The following DPP10 variants were observed in gnomAD, a reference collection of about 807,000 sequenced individuals.
DPP10 encodes inactive dipeptidyl peptidase 10.
In DPP10, 33 loss-of-function variants were observed where a neutral mutation model predicts 120.9. That is an observed-to-expected ratio of 0.27 (90% CI 0.21 to 0.37). The LOEUF (loss-of-function observed/expected upper bound fraction) is 0.37. DPP10 is among the 10% of genes least tolerant of loss of function. DPP10 has a pLI of 1.00. For missense variants in DPP10, 816 were observed against 942.8 expected (o/e 0.87, Z 1.76); for synonymous variants, 337 against 326.1 (o/e 1.03, Z -0.36).
chr2:115,357,912 C>T (rs569373877), intron 3 of DPP10, among the ~76,000 whole-genome samples: 1 of 152,124 alleles, frequency 6.6e-6, no homozygotes, highest in South Asian at 2.1e-4. Flanking sequence ...TGAGCTGTAC[C>T]TTGGCCCCTT....
intron 1 of DPP10, among the ~76,000 whole-genome samples, chr2:114,687,462 G>T (rs1243860111): frequency 6.6e-6 from 1 of 151,208 alleles, no homozygotes; most frequent in Admixed American, 6.6e-5. Flanking sequence ...GGGTAGATCT[G>T]GTTTGTTTAA....
In DPP10 at chr2:115,331,575, T is replaced by C. The variant is rs1160523926; in HGVS notation, c.176-12242T>C. Among the ~76,000 whole-genome samples the C allele has an allele frequency of 2.0e-5, 3 of 152,332 alleles. 1 individual carries two copies. Among genetic ancestry groups the C allele is most frequent in the African/African-American group, 7.2e-5 (3 of 41,584 alleles). On this transcript the variant is annotated intron_variant, in intron 2 of 25. Transcript: ENST00000410059. ...GCTGTGGGTTTGTCATAGATAGCTC[T>C]TATTATTTTGAGATATGTCCCATCA...
At chr2:115,253,729 G>A (rs1035848972) in intron 1 of DPP10, among the ~76,000 whole-genome samples, 7 of 152,196 alleles carry the variant, frequency 4.6e-5, no homozygotes, top group Non-Finnish European at 8.8e-5. Context: ...GCTCCCAAGG[G>A]CTTGGACAGC....
At chr2:115,804,326 T>A (rs143922427) in intron 19 of DPP10, among the ~76,000 whole-genome samples, 2,774 of 152,228 alleles carry the variant, frequency 0.018, 85 homozygotes, top group African/African-American at 0.061. Flanking sequence ...CTAGTTATCC[T>A]TTCATCTAAT....
At chr2:114,478,717 T>C (rs1261511418) in intron 1 of DPP10, among the ~76,000 whole-genome samples, 1 of 152,132 alleles carries the variant, frequency 6.6e-6, no homozygotes, top group Non-Finnish European at 1.5e-5. Flanking sequence ...AACAAGTGGA[T>C]GAGTTCAAAA....
intron 1 of DPP10, among the ~76,000 whole-genome samples, chr2:115,174,627 C>T (rs184926546): frequency 1.6e-4 from 25 of 152,194 alleles, no homozygotes; most frequent in African/African-American, 4.6e-4. Flanking sequence ...AATCATATGT[C>T]GGCTGATTAG....
chr2:114,524,722 T>C (rs565811089), intron 1 of DPP10, among the ~76,000 whole-genome samples: 1 of 152,298 alleles, frequency 6.6e-6, no homozygotes, highest in African/African-American at 2.4e-5. Context: ...GGTGAATGAC[T>C]GTCCAGGCAT....
intron 5 of DPP10, among the ~76,000 whole-genome samples, chr2:115,637,279 A>G (rs1000383037): frequency 6.6e-6 from 1 of 152,196 alleles, no homozygotes; most frequent in Non-Finnish European, 1.5e-5. Flanking sequence ...TCTTTCAAAA[A>G]ACTGATTAAA....
At chr2:114,853,743 A>T (rs1226765897) in intron 1 of DPP10, among the ~76,000 whole-genome samples, 4 of 152,168 alleles carry the variant, frequency 2.6e-5, no homozygotes, top group Non-Finnish European at 5.9e-5. Flanking sequence ...TAGTGGAGAA[A>T]GTTAGCTGCC....
chr2:115,055,939 G>A (rs1219129206), intron 1 of DPP10, among the ~76,000 whole-genome samples: 2 of 151,868 alleles, frequency 1.3e-5, no homozygotes, highest in Admixed American at 6.6e-5. Context: ...TAATCATGCA[G>A]CATGTAAAAC....
At chr2:115,616,017 T>C (rs1011805823) in intron 5 of DPP10, among the ~76,000 whole-genome samples, 7 of 152,186 alleles carry the variant, frequency 4.6e-5, no homozygotes, top group African/African-American at 1.7e-4. Context: ...TCAGATTTGC[T>C]TAAATTCAAT....
intron 12 of DPP10, among the ~76,000 whole-genome samples, chr2:115,767,764 A>G (rs1680968319): frequency 1.3e-5 from 2 of 152,182 alleles, no homozygotes; most frequent in East Asian, 1.9e-4. Flanking sequence ...ATAACTTTCT[A>G]TAGAATCCTT....
chr2:115,769,007 A>G (rs1681136318), intron 13 of DPP10, among the ~76,000 whole-genome samples: 1 of 152,094 alleles, frequency 6.6e-6, no homozygotes, highest in Non-Finnish European at 1.5e-5. Flanking sequence ...AATCAAAAGA[A>G]TATGAAGGGT....
chr2:114,993,599 T>A (rs955101839), intron 1 of DPP10, among the ~76,000 whole-genome samples: 1 of 145,020 alleles, frequency 6.9e-6, no homozygotes, highest in Non-Finnish European at 1.5e-5. Flanking sequence ...TATATATATA[T>A]ATATATATGA....
In DPP10 at chr2:114,903,388, G is replaced by T. The variant is rs144533137; in HGVS notation, c.61-405851G>T. ...CTGTTTTCCAAAGTTGTACTATTTT[G>T]CATTCCCACCAGTAATGAATAAGAG... On this transcript the variant is annotated intron_variant, in intron 1 of 25. Transcript: ENST00000410059. Among the ~76,000 whole-genome samples the T allele has an allele frequency of 2.4e-3, 361 of 152,260 alleles. 3 individuals are homozygous for T. The highest frequency in any genetic ancestry group is 8.2e-3 in the African/African-American group (342 of 41,562).
At chr2:115,226,221 A>G (rs933805540) in intron 1 of DPP10, among the ~76,000 whole-genome samples, 6 of 152,098 alleles carry the variant, frequency 3.9e-5, no homozygotes, top group African/African-American at 1.4e-4. Context: ...ATTATCTTCT[A>G]TTACAGTTCA....
intron 8 of DPP10, among the ~76,000 whole-genome samples, chr2:115,735,437 T>C (rs1184995864): frequency 6.6e-6 from 1 of 152,138 alleles, no homozygotes; most frequent in Non-Finnish European, 1.5e-5. Flanking sequence ...ACTTTTACTT[T>C]CTGTCAGGAT....
chr2:114,587,288 T>C (rs1265894032), intron 1 of DPP10, among the ~76,000 whole-genome samples: 2 of 110,152 alleles, frequency 1.8e-5, no homozygotes, highest in Non-Finnish European at 3.5e-5. Flanking sequence ...GCAATAGGAG[T>C]GAAACTCCAT....
At chr2:114,987,867 G>A (rs772143571) in intron 1 of DPP10, among the ~76,000 whole-genome samples, 1 of 147,418 alleles carries the variant, frequency 6.8e-6, no homozygotes, top group South Asian at 2.2e-4. Context: ...GCAGTGGCTC[G>A]ATCTCGGCTC....
Sources: gnomAD v4.1 joint callset for allele counts (sites outside exome capture counted in the v4.1 genomes callset) on GRCh38, gnomAD v4.1.1 for gene constraint, MANE v1.5 for transcripts, NCBI Gene and HGNC (gene_info 2026-07-23, HGNC 2026-07-21) for gene names.